The following PRSS23 variants were observed in gnomAD, a reference collection of about 807,000 sequenced individuals.
The protein encoded by PRSS23 is protease, serine 23.
In PRSS23, 25 loss-of-function variants were observed where a neutral mutation model predicts 34.7. The ratio of observed to expected loss-of-function variants is 0.72; its 90% CI spans 0.53 to 1.01. The LOEUF (loss-of-function observed/expected upper bound fraction) is 1.01, where lower values mean the gene tolerates loss of function less well. PRSS23 is among the 50% of genes least tolerant of loss of function. The pLI is 0.00. For synonymous variants in PRSS23, 176 were observed against 186.6 expected, an observed-to-expected ratio of 0.94 and a Z score of 0.46; for missense variants, 445 against 475.6, an observed-to-expected ratio of 0.94 and a Z score of 0.60.
intron 2 of PRSS23, among the ~76,000 whole-genome samples, chr11:86,886,500 T>G (rs72957535): frequency 0.038 from 5,712 of 152,266 alleles, 132 homozygotes; most frequent in Non-Finnish European, 0.055. Context: ...CAAATCTGCT[T>G]CTTTTGCTCC....
At chr11:86,845,766 C>A (rs931571644) in intron 2 of PRSS23, among the ~76,000 whole-genome samples, 1 of 152,160 alleles carries the variant, frequency 6.6e-6, no homozygotes, top group African/African-American at 2.4e-5. Flanking sequence ...TGTCCTATTT[C>A]TCTTCCCCCT....
At chr11:86,861,022 C>G (rs796634885) in intron 2 of PRSS23, among the ~76,000 whole-genome samples, 2 of 151,676 alleles carry the variant, frequency 1.3e-5, no homozygotes, top group South Asian at 4.2e-4. Flanking sequence ...GATATTACTC[C>G]CAATATCGCA....
chr11:86,838,784 C>T (rs1045692925), intron 2 of PRSS23, among the ~76,000 whole-genome samples: 22 of 151,930 alleles, frequency 1.4e-4, no homozygotes, highest in African/African-American at 3.6e-4. Flanking sequence ...GAGGAAAGAT[C>T]GGGCAGCAAT....
At position 86,951,352 on chromosome 11, in the gene PRSS23, A is replaced by G. The variant is rs761495510; in HGVS notation, c.*67A>G. On this transcript the variant is annotated 3_prime_UTR_variant, in exon 3 of 3. Coordinates refer to the PRSS23 transcript ENST00000533902. ...CAACAGCCATGTTGGAATCATCTGC[A>G]GAATACCGAAAAAGTGCCCAGTTGG... The G allele has an allele frequency of 1.8e-5, 29 of 1,613,820 alleles. No individual in the cohort carries two copies. Among genetic ancestry groups the G allele is most frequent in the Non-Finnish European group, 1.9e-5 (22 of 1,179,762 alleles).
chr11:86,841,339 C>CAAAA (rs58223921), intron 2 of PRSS23, among the ~76,000 whole-genome samples: 6,789 of 103,430 alleles, frequency 0.066, 314 homozygotes, highest in Non-Finnish European at 0.083. Context: ...AACTCCATCT[C>CAAAA]AAAAAAAAAA....
intron 2 of PRSS23, among the ~76,000 whole-genome samples, chr11:86,853,494 A>G (rs534784807): frequency 2.0e-5 from 3 of 151,820 alleles, no homozygotes; most frequent in South Asian, 4.2e-4. Flanking sequence ...ACCTCAGGTG[A>G]TCCTCCCACG....
At chr11:86,906,457 G>C (rs1283786970) in intron 2 of PRSS23, among the ~76,000 whole-genome samples, 9 of 152,244 alleles carry the variant, frequency 5.9e-5, no homozygotes, top group Non-Finnish European at 1.2e-4. Flanking sequence ...CACCTTAGGG[G>C]CTGGAGGCTG....
At chr11:86,885,684 A>G (rs1948798078) in intron 2 of PRSS23, among the ~76,000 whole-genome samples, 1 of 152,190 alleles carries the variant, frequency 6.6e-6, no homozygotes, top group Non-Finnish European at 1.5e-5. Context: ...TATCCCGCAG[A>G]TTTTTGACTT....
intron 2 of PRSS23, among the ~76,000 whole-genome samples, chr11:86,856,383 A>G (rs1294187773): frequency 6.6e-6 from 1 of 152,024 alleles, no homozygotes; most frequent in African/African-American, 2.4e-5. Context: ...AATGTCAGGT[A>G]ATGAGACCCA....
chr11:86,844,948 C>T (rs1440474584), intron 2 of PRSS23, among the ~76,000 whole-genome samples: 1 of 151,986 alleles, frequency 6.6e-6, no homozygotes, highest in African/African-American at 2.4e-5. Flanking sequence ...AATTAGCTGG[C>T]CATAGTGGTG....
chr11:86,860,804 T>G (rs1387825513), intron 2 of PRSS23, among the ~76,000 whole-genome samples: 1 of 151,866 alleles, frequency 6.6e-6, no homozygotes, highest in Non-Finnish European at 1.5e-5. Flanking sequence ...GCCCTCAGTA[T>G]CGCGGGAAAT....
intron 1 of PRSS23, among the ~76,000 whole-genome samples, chr11:86,802,929 A>T (rs1450652206): frequency 8.5e-5 from 13 of 152,230 alleles, no homozygotes; most frequent in African/African-American, 3.1e-4. Context: ...AAATATTTTC[A>T]GACAGTGGCT....
chr11:86,918,518 T>TAAA (rs1949028262), intron 2 of PRSS23, among the ~76,000 whole-genome samples: 1 of 152,362 alleles, frequency 6.6e-6, no homozygotes, highest in South Asian at 2.1e-4. Context: ...TCACCACCAT[T>TAAA]AAAATCCCCA....
chr11:86,845,682 C>T (rs1214378334), intron 2 of PRSS23, among the ~76,000 whole-genome samples: 1 of 152,070 alleles, frequency 6.6e-6, no homozygotes, highest in Non-Finnish European at 1.5e-5. Context: ...TTCCTAACAC[C>T]AGAATTTGTG....
intron 2 of PRSS23, chr11:86,910,855 G>A (rs1021354334): frequency 7.2e-5 from 11 of 152,088 alleles, no homozygotes; most frequent in African/African-American, 2.4e-4. Flanking sequence ...GTGGGAGAAA[G>A]GTTTTTGGTT....
At chr11:86,854,799 A>G (rs776079387) in intron 2 of PRSS23, among the ~76,000 whole-genome samples, 8 of 152,316 alleles carry the variant, frequency 5.3e-5, no homozygotes, top group Non-Finnish European at 8.8e-5. Flanking sequence ...CTTGGCACCT[A>G]TTTTAAAAAT....
chr11:86,878,314 C>A (rs1302125071), intron 2 of PRSS23, among the ~76,000 whole-genome samples: 1 of 151,456 alleles, frequency 6.6e-6, no homozygotes, highest in African/African-American at 2.4e-5. Context: ...TGATGCCCAG[C>A]CGAAGCTGGA....
intron 2 of PRSS23, among the ~76,000 whole-genome samples, chr11:86,899,321 C>T (rs1948896120): frequency 6.6e-6 from 1 of 152,086 alleles, no homozygotes. Flanking sequence ...GAGTTTGAGA[C>T]CAGCCTGGGC....
At chr11:86,841,910 G>T (rs1366429437) in intron 2 of PRSS23, among the ~76,000 whole-genome samples, 1 of 152,166 alleles carries the variant, frequency 6.6e-6, no homozygotes, top group African/African-American at 2.4e-5. Context: ...GAAAAAGAGA[G>T]AATCCTCCCT....
Sources: allele counts gnomAD v4.1 joint callset (sites outside exome capture counted in the v4.1 genomes callset), GRCh38; gene constraint gnomAD v4.1.1; transcripts MANE v1.5; gene names NCBI Gene and HGNC (gene_info 2026-07-23, HGNC 2026-07-21).